SLC68A1: variants seen among roughly 807,000 people sequenced by gnomAD.
SLC68A1 encodes the protein solute carrier family 68 member 1.
the SLC68A1 span, chr10:102,468,262 A>G: frequency 6.6e-6 from 1 of 152,202 alleles, no homozygotes; most frequent in African/African-American, 2.4e-5. Flanking sequence ...AAATAGGCCT[A>G]ACAATCTCCT....
the SLC68A1 span, chr10:102,470,913 C>T: frequency 6.2e-7 from 1 of 1,613,368 alleles, no homozygotes; most frequent in South Asian, 1.1e-5. Context: ...TTCTACTGCT[C>T]CCTCTTCAGC....
chr10:102,471,208 T>A, the SLC68A1 span: 14 of 1,601,530 alleles, frequency 8.7e-6, no homozygotes, highest in Admixed American at 2.3e-4. Flanking sequence ...GGGGCTGCCC[T>A]GGGATGTGTT....
the SLC68A1 span, chr10:102,471,880 G>C: frequency 3.0e-6 from 1 of 338,862 alleles, no homozygotes; most frequent in African/African-American, 2.2e-5. Context: ...CTCCCTCTGA[G>C]CTTTTCCCTC....
chr10:102,471,002 G>C, the SLC68A1 span: 3 of 1,613,334 alleles, frequency 1.9e-6, no homozygotes, highest in Non-Finnish European at 2.5e-6. Flanking sequence ...CGCTTTCTGC[G>C]TGACACTGGC....
chr10:102,471,480 C>CA, the SLC68A1 span: 1 of 1,549,758 alleles, frequency 6.5e-7, no homozygotes, highest in South Asian at 1.2e-5. Flanking sequence ...GGGAACTTGG[C>CA]CACGCATGGT....
chr10:102,471,911 T>A, the SLC68A1 span: 9 of 380,648 alleles, frequency 2.4e-5, no homozygotes, highest in Admixed American at 1.6e-4. Flanking sequence ...CTTAGGCAGG[T>A]CTCAGGCTCT....
At chr10:102,475,255 T>C in the SLC68A1 span, among the ~76,000 whole-genome samples, 1 of 151,516 alleles carries the variant, frequency 6.6e-6, no homozygotes, top group African/African-American at 2.4e-5. Context: ...GAGATCGTGC[T>C]ACTTCACTCC....
the SLC68A1 span, among the ~76,000 whole-genome samples, chr10:102,466,994 A>G: frequency 6.6e-6 from 1 of 152,200 alleles, no homozygotes; most frequent in Non-Finnish European, 1.5e-5. Flanking sequence ...GTTGGATAGT[A>G]ATGATCTGTA....
the SLC68A1 span, chr10:102,470,965 G>T: frequency 1.9e-6 from 3 of 1,613,214 alleles, no homozygotes; most frequent in South Asian, 3.3e-5. Flanking sequence ...ATGCCTTTTG[G>T]AACAAGGAGG....
the SLC68A1 span, chr10:102,468,927 T>C: frequency 1.1e-6 from 1 of 950,968 alleles, no homozygotes; most frequent in Non-Finnish European, 1.6e-6. Context: ...CTCTGATCCC[T>C]GTTGCTCACT....
chr10:102,472,801 T>G, the SLC68A1 span: 2 of 1,418,286 alleles, frequency 1.4e-6, no homozygotes, highest in Middle Eastern at 1.8e-4. Context: ...GCTTCTGGCC[T>G]TGTCAGCTCT....
the SLC68A1 span, chr10:102,473,933 T>C: frequency 6.2e-7 from 1 of 1,613,774 alleles, no homozygotes; most frequent in Non-Finnish European, 8.5e-7. Context: ...CACTCCTCTT[T>C]GGCATGGTTG....
chr10:102,463,880 C>A, the SLC68A1 span, among the ~76,000 whole-genome samples: 2 of 152,004 alleles, frequency 1.3e-5, no homozygotes, highest in Non-Finnish European at 2.9e-5. Context: ...GTGACAGGAA[C>A]AGCATGAACA....
At chr10:102,475,298 C>CAA in the SLC68A1 span, among the ~76,000 whole-genome samples, 48 of 146,084 alleles carry the variant, frequency 3.3e-4, no homozygotes, top group Middle Eastern at 3.5e-3. Context: ...TCCCTCTTTC[C>CAA]AAAAAAAAAA....
chr10:102,464,158 T>A, the SLC68A1 span, among the ~76,000 whole-genome samples: 1 of 152,216 alleles, frequency 6.6e-6, no homozygotes, highest in African/African-American at 2.4e-5. Context: ...GTGACTGATC[T>A]TTAAAGATCA....
chr10:102,471,425 C>T, the SLC68A1 span: 1 of 1,600,658 alleles, frequency 6.2e-7, no homozygotes, highest in Admixed American at 1.7e-5. Flanking sequence ...GGCCCCTCTA[C>T]AGCTGGGCTG....
the SLC68A1 span, among the ~76,000 whole-genome samples, chr10:102,466,580 T>C: frequency 2.0e-5 from 3 of 152,116 alleles, no homozygotes; most frequent in Non-Finnish European, 4.4e-5. Context: ...GTTACACTCT[T>C]AGTAGGAAGT....
the SLC68A1 span, chr10:102,476,799 G>A: frequency 5.1e-6 from 5 of 985,754 alleles, no homozygotes; most frequent in Non-Finnish European, 6.0e-6. Context: ...GCTGGCCGCT[G>A]TGGTGGACTC....
At chr10:102,461,412 C>T in the SLC68A1 span, 1 of 152,244 alleles carries the variant, frequency 6.6e-6, no homozygotes, top group African/African-American at 2.4e-5. Flanking sequence ...ACCTGGCTCC[C>T]GCCAGCCGTG....
Sources: gnomAD v4.1 joint callset for allele counts (sites outside exome capture counted in the v4.1 genomes callset) on GRCh38, gnomAD v4.1.1 for gene constraint, MANE v1.5 for transcripts, NCBI Gene and HGNC (gene_info 2026-07-23, HGNC 2026-07-21) for gene names.